The following CTU2 variants were observed in gnomAD, a reference collection of about 807,000 sequenced individuals.
CTU2 encodes the protein cytoplasmic tRNA 2-thiolation protein 2.
In CTU2, 80 loss-of-function variants were observed where a neutral mutation model predicts 64.1. The observed-to-expected ratio is 1.25, with a 90% CI of 1.04 to 1.50. The LOEUF (loss-of-function observed/expected upper bound fraction) is 1.50, where lower values mean the gene tolerates loss of function less well. CTU2 is among the 40% of genes most tolerant of loss of function. The pLI is 0.00. For synonymous variants in CTU2, 482 were observed against 285.3 expected (o/e 1.69, Z -6.95); for missense variants, 1,110 against 690.2 (o/e 1.61, Z -6.81).
intron 5 of CTU2, 79 bp downstream of exon 5, chr16:88,711,774 C>T (rs1911342401): frequency 1.5e-6 from 2 of 1,335,960 alleles, no homozygotes; most frequent in Admixed American, 2.0e-5. Context: ...TGTGGACCCT[C>T]CCTCTGGTGC....
Position 88,715,208 on chromosome 16 carries a change from ACTGT to A in CTU2, c.1509_1512del (p.Cys503Ter). On this transcript the variant is annotated frameshift_variant, in exon 15 of 15. Coordinates refer to ENST00000453996, the MANE Select transcript of CTU2 (RefSeq NM_001012759.3). LOFTEE classifies it low-confidence loss of function (END_TRUNC). ...GCCTGGGGCTTGCAGGAGATCCGGG[ACTGT>A]CTGATTGAGGACAGTGACGACGAGG... is the stretch of plus-strand genomic sequence containing the variant. 6.2e-7 allele frequency: 1 copy of A among 1,612,382 alleles called. No individual in the cohort carries two copies. Among genetic ancestry groups the A allele is most frequent in the Non-Finnish European group, 8.5e-7 (1 of 1,179,874 alleles).
chr16:88,714,752 C>T lies in CTU2; in HGVS notation c.1352+15C>T, dbSNP rs1911772568. On this transcript the variant is annotated intron_variant, in intron 12 of 14. Transcript: ENST00000453996. ...GCCTGCAGGAGGTGAGTCCCTGTCC[C>T]TGCCACCCATGGCCAGCTGCATGGG... 1.2e-6 allele frequency: 2 copies of T among 1,605,658 alleles called. No individual in the cohort carries two copies. The highest frequency in any genetic ancestry group is 8.5e-7 in the Non-Finnish European group (1 of 1,175,562).
At chr16:88,711,313 G>C (rs761111508) in intron 4 of CTU2, among the ~76,000 whole-genome samples, 17 of 152,090 alleles carry the variant, frequency 1.1e-4, no homozygotes, top group Non-Finnish European at 2.4e-4. Flanking sequence ...AAGCGTGTGG[G>C]ATGGTGGCAC....
Position 88,714,500 on chromosome 16 carries a change from G to A in CTU2, c.1201+14G>A. On this transcript the variant is annotated intron_variant, in intron 11 of 14. Transcript: ENST00000453996. The stretch of plus-strand genomic sequence containing the variant: ...TCGACGCCGCTGGTCTGTGTTTCAT[G>A]CTCTTGGGGTGATGCGGGGAGGGAG... 1 of 1,612,652 alleles carries A rather than the reference G, an allele frequency of 6.2e-7. No homozygotes were observed. The highest frequency in any genetic ancestry group is 8.5e-7 in the Non-Finnish European group (1 of 1,179,872).
chr16:88,707,862 G>T, intron 2 of CTU2, among the ~76,000 whole-genome samples: 1 of 151,894 alleles, frequency 6.6e-6, no homozygotes, highest in Non-Finnish European at 1.5e-5. Flanking sequence ...GAGTGCAACA[G>T]CTGGAGTGCA....
chr16:88,712,574 C>A (rs565145996), intron 6 of CTU2, 48 bp from the exon 7 acceptor site: 4 of 1,585,038 alleles, frequency 2.5e-6, no homozygotes, highest in Admixed American at 1.7e-5. Context: ...CTGTGGGGGG[C>A]ACCTGCCCGT....
chr16:88,708,197 C>G (rs966601264), intron 2 of CTU2, among the ~76,000 whole-genome samples: 1 of 152,238 alleles, frequency 6.6e-6, no homozygotes, highest in Admixed American at 6.5e-5. Context: ...TGAGGAGAGG[C>G]TGCTGTGGCT....
rs754813821 is a variant in CTU2, at chr16:88,711,708, A to G, written c.343+13A>G. ...ATCTTTGTTGACGGTATGTGGGGCC[A>G]TTGCTCCTCCTAGTCCCTGGCCACT... On this transcript the variant is annotated intron_variant, in intron 5 of 14. Coordinates refer to ENST00000453996, the MANE Select transcript of CTU2 (RefSeq NM_001012759.3). The G allele has an allele frequency of 1.9e-6, 3 of 1,606,470 alleles. No individual in the cohort carries two copies. Among genetic ancestry groups the G allele is most frequent in the Non-Finnish European group, 2.6e-6 (3 of 1,175,048 alleles).
At chr16:88,713,596 G>A (rs1164875584) in intron 8 of CTU2, 51 bp from the exon 9 acceptor site, 2 of 1,589,834 alleles carry the variant, frequency 1.3e-6, no homozygotes, top group Non-Finnish European at 8.6e-7. Context: ...GGGAGGAGGG[G>A]CAAGCACATT....
At chr16:88,708,056 C>T (rs1341278412) in intron 2 of CTU2, among the ~76,000 whole-genome samples, 1 of 152,188 alleles carries the variant, frequency 6.6e-6, no homozygotes, top group African/African-American at 2.4e-5. Context: ...TCAAGTGATC[C>T]ACCTGCCTCG....
At chr16:88,707,035 C>A in intron 1 of CTU2, 101 bp from the exon 2 acceptor site, 1 of 1,215,028 alleles carries the variant, frequency 8.2e-7, no homozygotes, top group Admixed American at 1.8e-5. Context: ...TTTCTCTGAC[C>A]CAACTCAGGG....
chr16:88,712,855 C>G lies in CTU2; in HGVS notation c.687C>G (p.Phe229Leu), dbSNP rs528558817. Residue 229 changes from phenylalanine to leucine, a missense_variant, in exon 7 of 15, where the codon TTC (phenylalanine) becomes TTG (leucine). Phe to Leu is a conservative substitution (Grantham distance 22). Transcript: ENST00000453996. ...AGACTGAGGCTCTTTCCCAACTGTT[C>G]TGCTCAGTGAGGACACTGACTGCCA... is the stretch of plus-strand genomic sequence containing the variant. ...PAQTEALSQLFCSVRTLTAKE... is the reference protein window; with the variant it reads ...PAQTEALSQLLCSVRTLTAKE... 2 of 1,572,908 alleles carry G rather than the reference C, an allele frequency of 1.3e-6. No homozygotes were observed. Among genetic ancestry groups the G allele is most frequent in the Non-Finnish European group, 1.7e-6 (2 of 1,160,304 alleles).
At chr16:88,709,695 C>G (rs983187257) in intron 2 of CTU2, 1 of 537,276 alleles carries the variant, frequency 1.9e-6, no homozygotes, top group African/African-American at 1.9e-5. Context: ...ATGCAGCCTC[C>G]GTGGCTGTGC....
At chr16:88,709,904 C>T in intron 2 of CTU2, 34 bp from the exon 3 acceptor site, 2 of 1,595,482 alleles carry the variant, frequency 1.3e-6, no homozygotes, top group East Asian at 2.2e-5. Context: ...GTGCGGGTAG[C>T]AGGCGGTTCC....
chr16:88,708,419 C>T lies in CTU2; in HGVS notation c.143+1209C>T, dbSNP rs189815273. On this transcript the variant is annotated intron_variant, in intron 2 of 14. Coordinates refer to ENST00000453996, the MANE Select transcript of CTU2 (RefSeq NM_001012759.3). ...CAGGAGCCCAGACGCAGCATGTACA[C>T]GTGGACCCACCACGCTTGAATCCCA... 4.1e-4 allele frequency among the ~76,000 whole-genome samples: 63 copies of T among 152,246 alleles called. 1 individual carries two copies. In the East Asian group the frequency reaches 7.7e-3, roughly 19 times the overall value.
chr16:88,707,315 T>C, intron 2 of CTU2, 105 bp downstream of exon 2: 3 of 1,072,852 alleles, frequency 2.8e-6, no homozygotes, highest in Non-Finnish European at 4.3e-6. Context: ...AACATGTACT[T>C]ACTTTATTCC....
intron 2 of CTU2, among the ~76,000 whole-genome samples, chr16:88,708,364 T>A (rs1328389817): frequency 5.9e-5 from 9 of 152,164 alleles, no homozygotes; most frequent in Admixed American, 5.9e-4. Context: ...AACCTTGGCC[T>A]TCCCTGACCC....
rs61734068 is a variant in CTU2 at position 88,714,217 on chromosome 16, A to G, written c.1087A>G (p.Thr363Ala). 1.2e-5 allele frequency: 19 copies of G among 1,562,812 alleles called. No individual in the cohort carries two copies. In the African/African-American group the frequency reaches 2.4e-4, roughly 20 times the overall value. ...GACCCAGTTCCCCTCCACTGTCAGC[A>G]CTGTGTACAGGTGTGGGTGTGTGTG... ...LQTQFPSTVS[T>A]VYRTSEKLVK... Residue 363 changes from threonine to alanine, a missense_variant, in exon 10 of 15, where the codon ACT becomes GCT. Coordinates refer to ENST00000453996, the MANE Select transcript of CTU2 (RefSeq NM_001012759.3).
chr16:88,712,023 G>C, intron 5 of CTU2: 1 of 383,628 alleles, frequency 2.6e-6, no homozygotes, highest in South Asian at 3.2e-5. Context: ...TGGTGAGCGG[G>C]GGCCCAGGGG....
Sources: gnomAD v4.1 joint callset for allele counts (sites outside exome capture counted in the v4.1 genomes callset) on GRCh38, gnomAD v4.1.1 for gene constraint, MANE v1.5 for transcripts, NCBI Gene and HGNC (gene_info 2026-07-23, HGNC 2026-07-21) for gene names.